Variants in SLC5A11 observed in about 807,000 individuals in gnomAD.
SLC5A11 encodes the protein solute carrier family 5 member 11, also known as sodium/myo-inositol cotransporter 2.
In SLC5A11, 48 loss-of-function variants were observed where a neutral mutation model predicts 69.8. That is an observed-to-expected ratio of 0.69 (90% CI 0.55 to 0.87). SLC5A11 has a LOEUF of 0.87. Among genes scored for constraint, SLC5A11 ranks in the 40% least tolerant of loss-of-function variants. The pLI is 0.00. For missense variants in SLC5A11, 784 were observed against 866.1 expected, an observed-to-expected ratio of 0.91 and a Z score of 1.19; for synonymous variants, 319 against 342.4, an observed-to-expected ratio of 0.93 and a Z score of 0.75.
exon 5 of SLC5A11, chr16:24,872,203 T>C: frequency 1.2e-6 from 2 of 1,614,160 alleles, no homozygotes; most frequent in Non-Finnish European, 1.7e-6. Context: ...TTCCTACCCA[T>C]CTACATTGCT....
intron 13 of SLC5A11, among the ~76,000 whole-genome samples, chr16:24,908,671 G>A (rs1567706145): frequency 6.6e-6 from 1 of 151,222 alleles, no homozygotes; most frequent in Non-Finnish European, 1.5e-5. Flanking sequence ...TATTGAACAG[G>A]GAAGCTAAAT....
intron 5 of SLC5A11, 61 bp from the exon 7 acceptor site, chr16:24,875,566 G>GA: frequency 1.7e-6 from 1 of 587,392 alleles, no homozygotes; most frequent in Non-Finnish European, 2.4e-6. Context: ...GGGCTTGTGT[G>GA]GGGGGGTCAC....
chr16:24,883,961 G>A (rs776097698), intron 7 of SLC5A11, 90 bp from the exon 9 acceptor site: 9 of 1,180,928 alleles, frequency 7.6e-6, no homozygotes, highest in South Asian at 1.4e-5. Flanking sequence ...ATCTCCCATC[G>A]GGTCCTGGCC....
At chr16:24,897,770 TA>T (rs2049284243) in intron 9 of SLC5A11, among the ~76,000 whole-genome samples, 1 of 152,172 alleles carries the variant, frequency 6.6e-6, no homozygotes, top group Admixed American at 6.5e-5. Flanking sequence ...TTTCCCCTTA[TA>T]AAACCATCAG....
chr16:24,853,459 G>A (rs2059399829), intron 1 of SLC5A11, among the ~76,000 whole-genome samples: 1 of 152,150 alleles, frequency 6.6e-6, no homozygotes, highest in South Asian at 2.1e-4. Context: ...GTGGAGCCTG[G>A]CACACAGCTG....
At chr16:24,900,415 G>T (rs2049495387) in intron 10 of SLC5A11, among the ~76,000 whole-genome samples, 1 of 152,126 alleles carries the variant, frequency 6.6e-6, no homozygotes, top group Non-Finnish European at 1.5e-5. Flanking sequence ...GGCAAATGGG[G>T]GCACTGTCCA....
chr16:24,902,138 T>A (rs796070161), intron 10 of SLC5A11, among the ~76,000 whole-genome samples: 4 of 151,942 alleles, frequency 2.6e-5, no homozygotes, highest in African/African-American at 9.7e-5. Flanking sequence ...ATAAATAATT[T>A]TTGACTGTGC....
chr16:24,872,977 A>C, intron 5 of SLC5A11, among the ~76,000 whole-genome samples: 1 of 190 alleles, frequency 5.3e-3, no homozygotes, highest in Non-Finnish European at 0.016. Context: ...GTCTCTACTA[A>C]AAAAATACAA....
chr16:24,907,316 G>A, intron 12 of SLC5A11, 141 bp downstream of exon 13: 1 of 922,080 alleles, frequency 1.1e-6, no homozygotes, highest in East Asian at 2.5e-5. Context: ...TCATTCAGGA[G>A]ATGCTGAACG....
intron 10 of SLC5A11, among the ~76,000 whole-genome samples, chr16:24,905,284 A>AC (rs1304721497): frequency 6.8e-5 from 10 of 146,038 alleles, no homozygotes; most frequent in Non-Finnish European, 1.4e-4. Flanking sequence ...AAAAAAAAAA[A>AC]AAAAAAAAAA....
At chr16:24,883,937 G>C in intron 7 of SLC5A11, 114 bp from the exon 9 acceptor site, 1 of 895,434 alleles carries the variant, frequency 1.1e-6, no homozygotes, top group Non-Finnish European at 1.8e-6. Flanking sequence ...TTTGCAATCA[G>C]TCAGCACTAA....
chr16:24,889,613 C>T (rs1361127007), intron 8 of SLC5A11, among the ~76,000 whole-genome samples: 6 of 121,070 alleles, frequency 5.0e-5, no homozygotes, highest in South Asian at 2.7e-4. Flanking sequence ...AATGCAGTGG[C>T]GCAATCTTGC....
intron 14 of SLC5A11, among the ~76,000 whole-genome samples, chr16:24,909,413 G>C (rs1410797958): frequency 6.6e-6 from 1 of 152,100 alleles, no homozygotes; most frequent in Non-Finnish European, 1.5e-5. Context: ...GCTGAGATGG[G>C]AGGATCACTT....
At chr16:24,870,054 G>C (rs1384911846) in intron 4 of SLC5A11, 49 bp downstream of exon 5, 2 of 1,330,326 alleles carry the variant, frequency 1.5e-6, no homozygotes, top group South Asian at 2.4e-5. Flanking sequence ...CTACCTAACA[G>C]GTAGATCTCA....
chr16:24,861,833 CAAT>C (rs1379594252), intron 2 of SLC5A11: 17 of 151,622 alleles, frequency 1.1e-4, no homozygotes, highest in Non-Finnish European at 1.5e-5. Flanking sequence ...AATTAATCAC[CAAT>C]GTGATAGTAT....
At chr16:24,858,536 G>C (rs2059627817) in intron 1 of SLC5A11, 84 bp from the exon 3 acceptor site, 1 of 1,277,806 alleles carries the variant, frequency 7.8e-7, no homozygotes, top group Non-Finnish European at 1.1e-6. Flanking sequence ...CCTCTTTCAT[G>C]GATGGCCTAG....
At chr16:24,871,544 A>G (rs1451399983) in intron 4 of SLC5A11, among the ~76,000 whole-genome samples, 1 of 152,088 alleles carries the variant, frequency 6.6e-6, no homozygotes, top group East Asian at 1.9e-4. Flanking sequence ...AAGTGCTGGG[A>G]TTACAGGCGT....
At chr16:24,874,640 C>A (rs2047551732) in intron 5 of SLC5A11, among the ~76,000 whole-genome samples, 1 of 152,118 alleles carries the variant, frequency 6.6e-6, no homozygotes, top group Non-Finnish European at 1.5e-5. Flanking sequence ...CTCACTGCAA[C>A]CTCCGCCTAC....
intron 1 of SLC5A11, among the ~76,000 whole-genome samples, chr16:24,848,864 G>T (rs563507770): frequency 2.0e-5 from 3 of 152,250 alleles, no homozygotes; most frequent in Admixed American, 2.0e-4. Flanking sequence ...AGACTGGAGG[G>T]TCTTTCTCTA....
Sources: allele counts gnomAD v4.1 joint callset (sites outside exome capture counted in the v4.1 genomes callset), GRCh38; gene constraint gnomAD v4.1.1; transcripts MANE v1.5; gene names NCBI Gene and HGNC (gene_info 2026-07-23, HGNC 2026-07-21).